Variants in BCAR3 observed in about 807,000 individuals in gnomAD.
The protein encoded by BCAR3 is BCAR3 adaptor protein, NSP family member.
BCAR3 carries 37 observed loss-of-function variants against 80.1 expected under a neutral mutation model. The observed-to-expected ratio is 0.46, with a 90% confidence interval of 0.36 to 0.61. The LOEUF (loss-of-function observed/expected upper bound fraction) is 0.61, where lower values mean the gene tolerates loss of function less well. Ranked by LOEUF, BCAR3 falls within the 20% of genes least tolerant of loss-of-function variation. The pLI is 0.00. For missense variants in BCAR3, 978 were observed against 1,068.2 expected, an observed-to-expected ratio of 0.92 and a Z score of 1.18; for synonymous variants, 389 against 418.9, an observed-to-expected ratio of 0.93 and a Z score of 0.87.
intron 11 of BCAR3, among the ~76,000 whole-genome samples, chr1:93,565,832 T>TG (rs1672924965): frequency 6.6e-6 from 1 of 152,178 alleles, no homozygotes; most frequent in African/African-American, 2.4e-5. Flanking sequence ...ATTAAATAAA[T>TG]GGAGTCTCCT....
chr1:93,576,446 C>T (rs561281662), intron 7 of BCAR3, among the ~76,000 whole-genome samples: 3 of 152,270 alleles, frequency 2.0e-5, no homozygotes, highest in South Asian at 2.1e-4. Flanking sequence ...TGTCTGACAC[C>T]GGCCGGATCC....
intron 2 of BCAR3, among the ~76,000 whole-genome samples, chr1:93,809,869 C>T (rs140976681): frequency 6.3e-4 from 95 of 150,306 alleles, no homozygotes; most frequent in African/African-American, 2.0e-3. Flanking sequence ...GTTTATAAGA[C>T]GGTGTAAAAC....
chr1:93,663,830 T>C (rs149801254), intron 2 of BCAR3, among the ~76,000 whole-genome samples: 1 of 152,298 alleles, frequency 6.6e-6, no homozygotes, highest in East Asian at 1.9e-4. Context: ...CTGGAGTCAG[T>C]CTTTCATTCA....
intron 3 of BCAR3, among the ~76,000 whole-genome samples, chr1:93,605,924 C>A (rs1425355743): frequency 2.6e-5 from 4 of 152,166 alleles, no homozygotes; most frequent in Non-Finnish European, 5.9e-5. Flanking sequence ...AGACAGCCTT[C>A]CAGCGTGGGG....
rs760765672 is a variant in BCAR3, at chr1:93,576,021, T to C, written c.1795A>G (p.Ile599Val). 83 of 1,613,888 alleles carry C rather than the reference T, an allele frequency of 5.1e-5. No homozygotes were observed. The part of the protein sequence containing the change: ...PHGHQLRLDI[I>V]ERHNTMAIGI... ...GAGGACGGCACTGCTCACCTTTCAA[T>C]TATGTCCAGGCGCAGCTGGTGTCCG... Residue 599 changes from isoleucine (I) to valine (V), a missense_variant, in exon 8 of 12, where the codon ATT (isoleucine) becomes GTT (valine). Coordinates refer to ENST00000260502, the MANE Select transcript of BCAR3 (RefSeq NM_003567.4).
At chr1:93,763,888 A>T (rs1482772062) in intron 2 of BCAR3, among the ~76,000 whole-genome samples, 4 of 152,182 alleles carry the variant, frequency 2.6e-5, no homozygotes, top group African/African-American at 9.6e-5. Context: ...AGAGATGCGC[A>T]CAATCAGTCT....
intron 2 of BCAR3, among the ~76,000 whole-genome samples, chr1:93,790,636 T>TCTTTTC (rs1423974830): frequency 1.8e-5 from 1 of 56,676 alleles, no homozygotes; most frequent in Admixed American, 1.9e-4. Context: ...TTGTATTCAT[T>TCTTTTC]TTTTTTTTTT....
intron 2 of BCAR3, among the ~76,000 whole-genome samples, chr1:93,773,974 C>T (rs181969536): frequency 2.0e-5 from 3 of 152,200 alleles, no homozygotes; most frequent in Admixed American, 2.0e-4. Flanking sequence ...TATTTGTAAG[C>T]CAAATGCTGT....
chr1:93,732,476 G>A (rs1221613973), intron 2 of BCAR3, among the ~76,000 whole-genome samples: 1 of 152,116 alleles, frequency 6.6e-6, no homozygotes, highest in Non-Finnish European at 1.5e-5. Flanking sequence ...TTAGCCGGGA[G>A]TGGTGGTGGG....
At chr1:93,777,468 T>C (rs866569641) in intron 2 of BCAR3, among the ~76,000 whole-genome samples, 37 of 125,272 alleles carry the variant, frequency 3.0e-4, no homozygotes, top group African/African-American at 8.6e-4. Flanking sequence ...CCTCCTCCTC[T>C]TCTTCCTCCT....
intron 3 of BCAR3, among the ~76,000 whole-genome samples, chr1:93,699,620 T>G (rs1557659026): frequency 6.6e-6 from 1 of 152,110 alleles, no homozygotes; most frequent in Non-Finnish European, 1.5e-5. Context: ...GGAAGAATCT[T>G]CTTTCCCTCC....
intron 2 of BCAR3, among the ~76,000 whole-genome samples, chr1:93,732,747 G>A (rs566209011): frequency 2.6e-5 from 4 of 152,326 alleles, no homozygotes; most frequent in Non-Finnish European, 5.9e-5. Context: ...CAGCCTTGAT[G>A]CCTTCTCCAA....
chr1:93,572,218 G>C (rs1337585798), intron 8 of BCAR3, among the ~76,000 whole-genome samples: 1 of 152,190 alleles, frequency 6.6e-6, no homozygotes, highest in Non-Finnish European at 1.5e-5. Context: ...CAAAACGCCT[G>C]AGAATCTCTC....
At chr1:93,675,516 G>A (rs994299443) in intron 1 of BCAR3, among the ~76,000 whole-genome samples, 7 of 152,168 alleles carry the variant, frequency 4.6e-5, no homozygotes, top group African/African-American at 1.7e-4. Context: ...GTCAGGAGGT[G>A]GGCCATTCTG....
rs558213378 is a variant in BCAR3 at position 93,761,564 on chromosome 1, C to T, written c.-62-55422G>A. The stretch of plus-strand genomic sequence containing the variant: ...CATGAGAGCAGGCGTAAGTGGTGAC[C>T]CAGAAAGGCTTGGAGACAGATGAAT... On this transcript the variant is annotated intron_variant, in intron 2 of 13. Transcript: ENST00000370244. Among the ~76,000 whole-genome samples, 13 of 152,224 alleles carry T rather than the reference C, an allele frequency of 8.5e-5. No homozygotes were observed. The South Asian group carries it at 2.7e-3, about 32-fold the overall frequency.
At chr1:93,824,722 C>G (rs1393699072) in intron 2 of BCAR3, among the ~76,000 whole-genome samples, 2 of 133,854 alleles carry the variant, frequency 1.5e-5, no homozygotes, top group African/African-American at 5.0e-5. Context: ...ACCTCTTTGT[C>G]TCCTCTCCCC....
At chr1:93,841,769 C>T (rs954199294) in intron 2 of BCAR3, among the ~76,000 whole-genome samples, 19 of 152,212 alleles carry the variant, frequency 1.2e-4, no homozygotes, top group African/African-American at 4.6e-4. Context: ...GCTGATGGCA[C>T]AGAACCATGC....
intron 2 of BCAR3, among the ~76,000 whole-genome samples, chr1:93,747,127 T>C (rs912515329): frequency 1.3e-5 from 2 of 152,206 alleles, no homozygotes; most frequent in Non-Finnish European, 2.9e-5. Flanking sequence ...AGTCTCCACC[T>C]TAAGAGTTTA....
chr1:93,636,259 C>T (rs953219106), intron 3 of BCAR3, among the ~76,000 whole-genome samples: 1 of 152,218 alleles, frequency 6.6e-6, no homozygotes. Context: ...TGTCCCCACT[C>T]AGGATAACAG....
Sources: gnomAD v4.1 joint callset for allele counts (sites outside exome capture counted in the v4.1 genomes callset) on GRCh38, gnomAD v4.1.1 for gene constraint, MANE v1.5 for transcripts, NCBI Gene and HGNC (gene_info 2026-07-23, HGNC 2026-07-21) for gene names.